MGAT5: variants seen among roughly 807,000 people sequenced by gnomAD.
MGAT5 encodes the protein alpha-1,6-mannosylglycoprotein 6-beta-N-acetylglucosaminyltransferase, also known as alpha-1,6-mannosylglycoprotein 6-beta-N-acetylglucosaminyltransferase A.
In MGAT5, 30 loss-of-function variants were observed where a neutral mutation model predicts 94.3. That is an observed-to-expected ratio of 0.32 (90% CI 0.24 to 0.43). The LOEUF (loss-of-function observed/expected upper bound fraction) is 0.43, where lower values mean the gene tolerates loss of function less well. Ranked by LOEUF, MGAT5 falls within the 20% of genes least tolerant of loss-of-function variation. MGAT5 has a pLI of 1.00. For synonymous variants in MGAT5, 310 were observed against 322.9 expected (o/e 0.96, Z 0.43); for missense variants, 691 against 905.5 (o/e 0.76, Z 3.04).
intron 1 of MGAT5, among the ~76,000 whole-genome samples, chr2:134,172,378 C>T (rs1245193016): frequency 1.4e-5 from 2 of 141,776 alleles, no homozygotes; most frequent in East Asian, 2.1e-4. Context: ...TAAGTACTCC[C>T]TTTTTTTTTT....
intron 1 of MGAT5, among the ~76,000 whole-genome samples, chr2:134,178,951 A>T (rs1688606914): frequency 6.6e-6 from 1 of 152,150 alleles, no homozygotes. Context: ...TTATTCTCAG[A>T]TTTCTGTATT....
chr2:134,364,477 G>T (rs1296755176), intron 10 of MGAT5, among the ~76,000 whole-genome samples: 1 of 151,104 alleles, frequency 6.6e-6, no homozygotes, highest in African/African-American at 2.4e-5. Flanking sequence ...TCCAGCCTGG[G>T]CAACAAGAGT....
At chr2:134,186,213 C>T (rs1689014915) in intron 1 of MGAT5, among the ~76,000 whole-genome samples, 1 of 152,186 alleles carries the variant, frequency 6.6e-6, no homozygotes, top group Non-Finnish European at 1.5e-5. Flanking sequence ...TGATTTTAGC[C>T]TAGAATGTGT....
At chr2:134,336,085 T>C (rs1688316439) in intron 4 of MGAT5, 132 bp from the exon 5 acceptor site, 2 of 661,136 alleles carry the variant, frequency 3.0e-6, no homozygotes, top group East Asian at 5.7e-5. Flanking sequence ...AGCATGGGAA[T>C]TTGGCTAATA....
At chr2:134,413,086 G>T in intron 12 of MGAT5, 71 bp downstream of exon 12, 5 of 1,523,568 alleles carry the variant, frequency 3.3e-6, no homozygotes, top group African/African-American at 2.8e-5. Context: ...GCTCATGTAG[G>T]TATTAACTTC....
intron 2 of MGAT5, among the ~76,000 whole-genome samples, chr2:134,306,292 TAAAA>T (rs1686325309): frequency 6.6e-6 from 1 of 152,164 alleles, no homozygotes; most frequent in South Asian, 2.1e-4. Context: ...AGTTTTGCAT[TAAAA>T]AGCACTCTAA....
At chr2:134,309,287 A>T (rs1023635927) in intron 2 of MGAT5, among the ~76,000 whole-genome samples, 3 of 152,230 alleles carry the variant, frequency 2.0e-5, no homozygotes, top group African/African-American at 4.8e-5. Context: ...GAATGTTTAC[A>T]TACAAATTTT....
At chr2:134,431,518 G>T (rs932353968) in intron 14 of MGAT5, among the ~76,000 whole-genome samples, 1 of 152,176 alleles carries the variant, frequency 6.6e-6, no homozygotes, top group Non-Finnish European at 1.5e-5. Context: ...GTGTTTTAGA[G>T]GTTGGAGTAT....
At chr2:134,355,531 CTG>C (rs1204401610) in intron 9 of MGAT5, among the ~76,000 whole-genome samples, 2 of 152,184 alleles carry the variant, frequency 1.3e-5, no homozygotes, top group Non-Finnish European at 2.9e-5. Context: ...TATTATTTAA[CTG>C]TGCATACGGC....
At chr2:134,239,231 C>A (rs972646954) in intron 1 of MGAT5, among the ~76,000 whole-genome samples, 3 of 152,150 alleles carry the variant, frequency 2.0e-5, no homozygotes, top group African/African-American at 7.2e-5. Flanking sequence ...ATCTCCTGAC[C>A]TCATGATCCA....
chr2:134,251,642 A>G (rs572593494), upstream of MGAT5, among the ~76,000 whole-genome samples: 41 of 152,342 alleles, frequency 2.7e-4, no homozygotes, highest in African/African-American at 9.4e-4. Context: ...TAAATTTGAT[A>G]CAATAATTAT....
intron 1 of MGAT5, among the ~76,000 whole-genome samples, chr2:134,216,085 T>G (rs1680482421): frequency 6.6e-6 from 1 of 152,194 alleles, no homozygotes; most frequent in Non-Finnish European, 1.5e-5. Flanking sequence ...TTCCATCATC[T>G]CTCAGTGGTT....
chr2:134,120,086 G>C (rs1259942766), upstream of MGAT5: 3 of 152,688 alleles, frequency 2.0e-5, no homozygotes, highest in Admixed American at 6.5e-5. Context: ...CGCCGCGCGC[G>C]GCCCCGCCAG....
chr2:134,448,592 C>T lies in MGAT5; in HGVS notation c.2028-57C>T, dbSNP rs1039559446. 1.5e-4 allele frequency: 237 copies of T among 1,532,528 alleles called. 1 individual carries two copies. The highest frequency in any genetic ancestry group is 3.6e-4 in the Middle Eastern group (2 of 5,578). The allele number at this position is 1,532,528 out of a possible 1,614,324, so 94.9% of individuals were successfully genotyped here. A position where few individuals can be genotyped will look rare whatever the true frequency, so the allele number is the denominator to read the frequency against. The stretch of plus-strand genomic sequence containing the variant: ...AGATGGGGGCTCACAGGGCCAGTGA[C>T]GAGGAAAGGCTCTGTCCCTTCATCA... On this transcript the variant is annotated intron_variant, in intron 15 of 15. Coordinates refer to ENST00000281923, the MANE Select transcript of MGAT5 (RefSeq NM_002410.5).
intron 2 of MGAT5, among the ~76,000 whole-genome samples, chr2:134,276,100 A>T (rs1684343660): frequency 6.6e-6 from 1 of 151,994 alleles, no homozygotes; most frequent in African/African-American, 2.4e-5. Flanking sequence ...AAGTTTCCTG[A>T]TTGCCAGCTG....
chr2:134,254,323 C>T lies in MGAT5; in HGVS notation c.-81C>T. 1 of 1,543,774 alleles carries T rather than the reference C, an allele frequency of 6.5e-7. No individual in the cohort carries two copies. The highest frequency in any genetic ancestry group is 1.2e-5 in the South Asian group (1 of 80,828). ...GGAGCCAGAGTGAGACCAGCAGACT[C>T]TCACACTCAACCTACACCATGAATT... On this transcript the variant is annotated 5_prime_UTR_variant, in exon 1 of 16. Transcript: ENST00000281923.
At chr2:134,243,279 C>T (rs957209368) in intron 1 of MGAT5, among the ~76,000 whole-genome samples, 7 of 151,990 alleles carry the variant, frequency 4.6e-5, no homozygotes, top group Non-Finnish European at 1.0e-4. Flanking sequence ...AAAGAGCAGT[C>T]CAGGTGATTC....
intron 14 of MGAT5, among the ~76,000 whole-genome samples, chr2:134,431,648 G>C (rs1684881498): frequency 6.6e-6 from 1 of 152,206 alleles, no homozygotes; most frequent in Admixed American, 6.5e-5. Context: ...CCCTTGAATG[G>C]TAGGAGCACT....
At chr2:134,203,160 A>T (rs1168418541) in intron 1 of MGAT5, among the ~76,000 whole-genome samples, 1 of 152,220 alleles carries the variant, frequency 6.6e-6, no homozygotes, top group African/African-American at 2.4e-5. Flanking sequence ...GTATTCTGGG[A>T]CAATTTTAAA....
Sources: allele counts gnomAD v4.1 joint callset (sites outside exome capture counted in the v4.1 genomes callset), GRCh38; gene constraint gnomAD v4.1.1; transcripts MANE v1.5; gene names NCBI Gene and HGNC (gene_info 2026-07-23, HGNC 2026-07-21).